FSHR: variants seen among roughly 807,000 people sequenced by gnomAD.
The protein encoded by FSHR is follicle-stimulating hormone receptor.
Under a neutral mutation model 52.1 loss-of-function variants are expected in FSHR, and 46 were observed. The observed-to-expected ratio is 0.88, with a 90% CI of 0.70 to 1.13. The LOEUF (loss-of-function observed/expected upper bound fraction) is 1.13. FSHR is among the 50% of genes most tolerant of loss of function. FSHR has a pLI of 0.00. For missense variants in FSHR, 964 were observed against 834.6 expected (o/e 1.16, Z -1.91); for synonymous variants, 399 against 309.6 (o/e 1.29, Z -3.03).
At chr2:49,147,447 T>A (rs902651636) in intron 1 of FSHR, among the ~76,000 whole-genome samples, 5 of 152,024 alleles carry the variant, frequency 3.3e-5, no homozygotes, top group African/African-American at 1.2e-4. Flanking sequence ...TGCCACAATG[T>A]CCTATTTCTG....
chr2:49,114,812 T>G (rs1671542345), intron 1 of FSHR, among the ~76,000 whole-genome samples: 1 of 151,914 alleles, frequency 6.6e-6, no homozygotes, highest in Non-Finnish European at 1.5e-5. Flanking sequence ...GAGGGGACAA[T>G]AAAAGCTTAC....
Position 48,990,461 on chromosome 2 carries a change from A to G in FSHR, c.446+105T>C, listed in dbSNP as rs1474011053. 5.7e-5 allele frequency: 47 copies of G among 821,648 alleles called. No homozygotes were observed. In the Admixed American group the frequency reaches 7.9e-4, roughly 14 times the overall value. 50.9% of individuals were successfully genotyped at this position (821,648 alleles called of 1,614,324 possible). ...TATCTTTGCTAACCCAGAGCAATAC[A>G]TTTGGAGGATGTAGACTACACAATG... On this transcript the variant is annotated intron_variant, in intron 5 of 9. Transcript: ENST00000406846.
At chr2:49,002,880 T>G (rs1048915051) in intron 4 of FSHR, among the ~76,000 whole-genome samples, 2 of 152,108 alleles carry the variant, frequency 1.3e-5, no homozygotes, top group Non-Finnish European at 2.9e-5. Context: ...TCTTGCTAAG[T>G]GAATCTGTGT....
chr2:49,012,706 A>G (rs1453238432), intron 4 of FSHR, among the ~76,000 whole-genome samples: 1 of 152,126 alleles, frequency 6.6e-6, no homozygotes, highest in African/African-American at 2.4e-5. Context: ...ACTCAATCCT[A>G]CTGGTCCCCA....
At chr2:49,124,691 T>G (rs1363746076) in intron 1 of FSHR, among the ~76,000 whole-genome samples, 1 of 152,226 alleles carries the variant, frequency 6.6e-6, no homozygotes, top group Non-Finnish European at 1.5e-5. Context: ...TCTCATCACC[T>G]TCTCTGTTAC....
In FSHR at chr2:48,989,046, T is replaced by C; in HGVS notation, c.455A>G (p.Gln152Arg). The change falls in exon 6 of 10, where the codon CAA becomes CGA. Residue 152 changes from glutamine to arginine, a missense_variant. By Grantham distance (43) the Gln-to-Arg change is conservative (BLOSUM62 1). Transcript: ENST00000406846. ...AATTGTGTGGATGTTTATGTTATCT[T>C]GAATGTCACTAGAAGAAAGTACAGA... ...HSLQKVLLDI[Q>R]DNINIHTIER... 6.2e-7 allele frequency: 1 copy of C among 1,612,842 alleles called. No homozygotes were observed. Among genetic ancestry groups the C allele is most frequent in the South Asian group, 1.1e-5 (1 of 91,002 alleles).
intron 1 of FSHR, among the ~76,000 whole-genome samples, chr2:49,140,092 T>G (rs1356377118): frequency 6.6e-6 from 1 of 152,114 alleles, no homozygotes; most frequent in African/African-American, 2.4e-5. Flanking sequence ...TTGGCCTAAA[T>G]AGGACATCAC....
intron 1 of FSHR, among the ~76,000 whole-genome samples, chr2:49,106,333 G>C (rs969275865): frequency 2.0e-5 from 3 of 152,090 alleles, no homozygotes; most frequent in Non-Finnish European, 4.4e-5. Context: ...AGGAAGGAGA[G>C]AGAGAGATAG....
chr2:49,127,751 TTTCTTCTTCTTCTTC>T (rs1345639633), intron 1 of FSHR, among the ~76,000 whole-genome samples: 1,091 of 77,428 alleles, frequency 0.014, 27 homozygotes, highest in Non-Finnish European at 0.018. Context: ...CTTCTTCTTC[TTTCTTCTTCTTCTTC>T]TTCTTCTTCT....
intron 1 of FSHR, among the ~76,000 whole-genome samples, chr2:49,073,103 T>G (rs1447944705): frequency 7.9e-5 from 12 of 152,098 alleles, no homozygotes; most frequent in African/African-American, 2.7e-4. Context: ...TGCATCACAA[T>G]TAACATCTTA....
At chr2:49,084,785 A>G (rs1010622474) in intron 1 of FSHR, among the ~76,000 whole-genome samples, 1 of 152,194 alleles carries the variant, frequency 6.6e-6, no homozygotes. Context: ...CTCTCCCAAG[A>G]CTAAACCAGG....
At chr2:49,056,091 C>T (rs1274597865) in intron 2 of FSHR, among the ~76,000 whole-genome samples, 1 of 151,862 alleles carries the variant, frequency 6.6e-6, no homozygotes, top group African/African-American at 2.4e-5. Flanking sequence ...AAAGGATATA[C>T]AAAACAAGCA....
intron 6 of FSHR, among the ~76,000 whole-genome samples, chr2:48,984,154 C>G (rs1675381036): frequency 6.6e-6 from 1 of 152,050 alleles, no homozygotes; most frequent in Non-Finnish European, 1.5e-5. Flanking sequence ...CATGGGTAGC[C>G]AGAAAACACT....
At chr2:49,121,270 A>G (rs1440853782) in intron 1 of FSHR, among the ~76,000 whole-genome samples, 1 of 152,326 alleles carries the variant, frequency 6.6e-6, no homozygotes, top group African/African-American at 2.4e-5. Flanking sequence ...TGAAGTGCAT[A>G]CATTTGGGCA....
At chr2:49,033,088 C>A (rs921207391) in intron 2 of FSHR, among the ~76,000 whole-genome samples, 1 of 152,142 alleles carries the variant, frequency 6.6e-6, no homozygotes, top group African/African-American at 2.4e-5. Context: ...ATCATTGTGT[C>A]TTTAAATGTA....
intron 1 of FSHR, among the ~76,000 whole-genome samples, chr2:49,128,773 G>C (rs1672156423): frequency 6.6e-6 from 1 of 152,020 alleles, no homozygotes; most frequent in Admixed American, 6.6e-5. Context: ...TTCAGACACA[G>C]ATGAGTGGCA....
chr2:49,046,291 G>A (rs1668650787), intron 2 of FSHR, among the ~76,000 whole-genome samples: 1 of 152,080 alleles, frequency 6.6e-6, no homozygotes. Flanking sequence ...TCTCCATTAG[G>A]GAGCAAGGTT....
intron 1 of FSHR, among the ~76,000 whole-genome samples, chr2:49,137,787 T>C (rs1018463630): frequency 3.3e-5 from 5 of 152,092 alleles, no homozygotes. Context: ...AAGCATCATA[T>C]ACAAGAATTA....
rs187845808 is a variant in FSHR at position 49,076,050 on chromosome 2, C to A, written c.153-7760G>T. On this transcript the variant is annotated intron_variant, in intron 1 of 9. Coordinates refer to ENST00000406846, the MANE Select transcript of FSHR (RefSeq NM_000145.4). ...AAGTGAATAGACCTATAATTATTAA[C>A]AAATTGTGTTGGTAATTTAACAGCT... Among the ~76,000 whole-genome samples the A allele has an allele frequency of 3.6e-3, 554 of 152,248 alleles. 3 individuals carry two copies. Among genetic ancestry groups the A allele is most frequent in the African/African-American group, 0.012 (509 of 41,552 alleles).
Sources: gnomAD v4.1 joint callset for allele counts (sites outside exome capture counted in the v4.1 genomes callset) on GRCh38, gnomAD v4.1.1 for gene constraint, MANE v1.5 for transcripts, NCBI Gene and HGNC (gene_info 2026-07-23, HGNC 2026-07-21) for gene names.